Variants in ZFYVE9 observed in about 807,000 individuals in gnomAD.
ZFYVE9 encodes zinc finger FYVE-type containing 9.
In ZFYVE9, 43 loss-of-function variants were observed where a neutral mutation model predicts 126.7. That is an observed-to-expected ratio of 0.34 (90% CI 0.27 to 0.44). The LOEUF (loss-of-function observed/expected upper bound fraction) is 0.44. Among genes scored for constraint, ZFYVE9 ranks in the 20% least tolerant of loss-of-function variants. The pLI, the probability that ZFYVE9 is intolerant of heterozygous loss-of-function variation, is 1.00. For missense variants in ZFYVE9, 1,476 were observed against 1,697.0 expected (o/e 0.87, Z 2.29); for synonymous variants, 521 against 597.4 (o/e 0.87, Z 1.87).
intron 1 of ZFYVE9, among the ~76,000 whole-genome samples, chr1:52,150,630 G>A (rs1644347797): frequency 6.6e-6 from 1 of 151,924 alleles, no homozygotes; most frequent in African/African-American, 2.4e-5. Context: ...GGCTGGGCGT[G>A]GCGTTGGGCC....
At chr1:52,289,423 T>A (rs144998587) in intron 10 of ZFYVE9, among the ~76,000 whole-genome samples, 111 of 152,340 alleles carry the variant, frequency 7.3e-4, no homozygotes, top group Non-Finnish European at 1.4e-3. Context: ...AAAATTACTT[T>A]ATAAACCATT....
intron 4 of ZFYVE9, among the ~76,000 whole-genome samples, chr1:52,250,891 T>G (rs1209889470): frequency 6.6e-6 from 1 of 151,972 alleles, no homozygotes; most frequent in Non-Finnish European, 1.5e-5. Context: ...TTTTTTATTT[T>G]TAGTAGACAT....
At chr1:52,175,544 G>T (rs960209389) in intron 1 of ZFYVE9, among the ~76,000 whole-genome samples, 4 of 150,390 alleles carry the variant, frequency 2.7e-5, no homozygotes, top group Non-Finnish European at 5.9e-5. Flanking sequence ...GAATCTGAAT[G>T]TTGGCCTGCC....
chr1:52,253,583 G>GA, intron 4 of ZFYVE9: 2 of 963,682 alleles, frequency 2.1e-6, no homozygotes, highest in Non-Finnish European at 3.3e-6. Context: ...GAGATCCTGA[G>GA]AACCTGAGTT....
rs995619969 is a variant in ZFYVE9 at position 52,268,374 on chromosome 1, C to T, written c.2456-89C>T. The stretch of plus-strand genomic sequence containing the variant: ...GTTGCCAAGTAATGATTTCTTTGTA[C>T]ATCTGGAATTGGTGACCTTCTCTTC... On this transcript the variant is annotated intron_variant, in intron 6 of 18. Coordinates refer to ENST00000287727, the MANE Select transcript of ZFYVE9 (RefSeq NM_004799.4). The T allele has an allele frequency of 2.9e-6, 4 of 1,361,744 alleles. No individual in the cohort carries two copies. The African/African-American group carries it at 5.8e-5, about 20-fold the overall frequency. The allele number at this position is 1,361,744 out of a possible 1,614,324, so 84.4% of individuals were successfully genotyped here. A position where few individuals can be genotyped will look rare whatever the true frequency, so the allele number is the denominator to read the frequency against.
chr1:52,268,734 A>G (rs1178657469), intron 7 of ZFYVE9, 102 bp downstream of exon 7: 10 of 1,395,042 alleles, frequency 7.2e-6, no homozygotes, highest in Middle Eastern at 2.1e-4. Flanking sequence ...GGTTTTGGAT[A>G]CAACTTAGTG....
chr1:52,263,799 G>A lies in ZFYVE9; in HGVS notation c.2205G>A (p.Leu735=). The A allele has an allele frequency of 6.9e-7, 1 of 1,453,638 alleles. No homozygotes were observed. The highest frequency in any genetic ancestry group is 9.3e-7 in the Non-Finnish European group (1 of 1,073,304). 90.0% of individuals were successfully genotyped at this position (1,453,638 alleles called of 1,614,324 possible). A position where few individuals can be genotyped will look rare whatever the true frequency, so the allele number is the denominator to read the frequency against. The stretch of plus-strand genomic sequence containing the variant: ...TTTTCTGTGCTTCCTGCTGTAGCCT[G>A]AAATGTAAACTGTTATACATGGACA... ...GKVFCASCCS[L]KCKLLYMDRK... is the part of the protein sequence containing the mutation. The change falls in exon 5 of 19, where the codon CTG becomes CTA. Residue 735 remains leucine (L), a synonymous_variant. Coordinates refer to ENST00000287727, the MANE Select transcript of ZFYVE9 (RefSeq NM_004799.4).
chr1:52,235,936 A>C (rs1165370268), intron 3 of ZFYVE9, among the ~76,000 whole-genome samples: 1 of 152,150 alleles, frequency 6.6e-6, no homozygotes, highest in Non-Finnish European at 1.5e-5. Context: ...TGTGACTTTA[A>C]GCAAATTGAT....
chr1:52,320,325 C>T (rs1248630097), intron 13 of ZFYVE9, among the ~76,000 whole-genome samples: 2 of 152,240 alleles, frequency 1.3e-5, no homozygotes, highest in East Asian at 3.9e-4. Context: ...CTACCTCGGC[C>T]TCCCAATGTG....
At chr1:52,253,387 TACTA>T (rs1645471214) in intron 4 of ZFYVE9, among the ~76,000 whole-genome samples, 1 of 152,198 alleles carries the variant, frequency 6.6e-6, no homozygotes, top group South Asian at 2.1e-4. Flanking sequence ...ATTTACTAGA[TACTA>T]AGAGGTAGAA....
intron 6 of ZFYVE9, among the ~76,000 whole-genome samples, chr1:52,267,054 T>C (rs1439769176): frequency 6.6e-6 from 1 of 152,194 alleles, no homozygotes; most frequent in East Asian, 1.9e-4. Flanking sequence ...TCAGAATATA[T>C]GTCAGTCTCC....
At chr1:52,308,543 T>G (rs568073088) in intron 13 of ZFYVE9, among the ~76,000 whole-genome samples, 96 of 152,146 alleles carry the variant, frequency 6.3e-4, no homozygotes, top group Non-Finnish European at 1.2e-3. Flanking sequence ...ATTCATTTTT[T>G]CCATTTATAC....
At chr1:52,342,992 C>G (rs903000264) in intron 17 of ZFYVE9, among the ~76,000 whole-genome samples, 1 of 151,612 alleles carries the variant, frequency 6.6e-6, no homozygotes, top group African/African-American at 2.4e-5. Context: ...CTGCAAGCTC[C>G]ACCTCCCAGG....
In ZFYVE9 at chr1:52,263,768, C is replaced by CCA. The variant is rs1553130232; in HGVS notation, c.2179-5_2179-4insCA. ...TGTGTGTTCTTCCCCCCCCCCCCCC[C>CCA]ACAGGTTTTCTGTGCTTCCTGCTGT... On this transcript the variant is annotated splice_polypyrimidine_tract_variant and splice_region_variant and intron_variant, in intron 4 of 18. Coordinates refer to ENST00000287727, the MANE Select transcript of ZFYVE9 (RefSeq NM_004799.4). The CCA allele has an allele frequency of 6.6e-6, 8 of 1,203,972 alleles. No individual in the cohort carries two copies. Among genetic ancestry groups the CCA allele is most frequent in the Admixed American group, 2.2e-5 (1 of 46,012 alleles). The allele number at this position is 1,203,972 out of a possible 1,614,324, so 74.6% of individuals were successfully genotyped here.
chr1:52,162,952 G>A, intron 1 of ZFYVE9: 1 of 483,084 alleles, frequency 2.1e-6, no homozygotes. Flanking sequence ...ACAAGCAGGA[G>A]TTCCTGTTGG....
At position 52,142,255 on chromosome 1, in the gene ZFYVE9, A is replaced by AGCAGCCGCAGCTGCGGCTACC. The variant is rs1644264934; in HGVS notation, c.-285_-265dup. On this transcript the variant is annotated 5_prime_UTR_variant, in exon 1 of 19. Coordinates refer to ENST00000287727, the MANE Select transcript of ZFYVE9 (RefSeq NM_004799.4). This position sits in a 1 kb window ranked among gnomAD's most constrained non-coding sequence, Gnocchi z 4.5. ...GCGGGTGCCGGGCCTTAGCAGCAGT[A>AGCAGCCGCAGCTGCGGCTACC]GCAGCCGCAGCTGCGGCTACCGCAG... 6.6e-6 allele frequency: 1 copy of AGCAGCCGCAGCTGCGGCTACC among 151,542 alleles called. No individual in the cohort carries two copies. The highest frequency in any genetic ancestry group is 1.5e-5 in the Non-Finnish European group (1 of 67,814). 9.4% of individuals were successfully genotyped at this position (151,542 alleles called of 1,614,324 possible).
Position 52,167,468 on chromosome 1 carries a change from C to T in ZFYVE9, c.-143+25065C>T, listed in dbSNP as rs973375420. Among the ~76,000 whole-genome samples, 11 of 152,018 alleles carry T rather than the reference C, an allele frequency of 7.2e-5. No homozygotes were observed. The East Asian group carries it at 1.5e-3, about 21-fold the overall frequency. The stretch of plus-strand genomic sequence containing the variant: ...CATGAAGACCCATCTCACTCAACAG[C>T]GCATGAGATACATATGAATCCTCGC... On this transcript the variant is annotated intron_variant, in intron 1 of 18. Coordinates refer to ENST00000287727, the MANE Select transcript of ZFYVE9 (RefSeq NM_004799.4).
intron 9 of ZFYVE9, among the ~76,000 whole-genome samples, chr1:52,280,214 C>CAAA (rs747397812): frequency 8.5e-5 from 7 of 82,054 alleles, no homozygotes; most frequent in East Asian, 3.1e-4. Flanking sequence ...TCATCCCTAC[C>CAAA]AAAAAAAAAA....
At chr1:52,338,549 A>T (rs1016307975) in intron 16 of ZFYVE9, among the ~76,000 whole-genome samples, 1 of 152,136 alleles carries the variant, frequency 6.6e-6, no homozygotes, top group Non-Finnish European at 1.5e-5. Flanking sequence ...TTACAAACTG[A>T]ACTTTGTATC....
Sources: allele counts gnomAD v4.1 joint callset (sites outside exome capture counted in the v4.1 genomes callset), GRCh38; gene constraint gnomAD v4.1.1; non-coding constraint Gnocchi (gnomAD v3.1); transcripts MANE v1.5; gene names NCBI Gene and HGNC (gene_info 2026-07-23, HGNC 2026-07-21).